The following NPSR1 variants were observed in gnomAD, a reference collection of about 807,000 sequenced individuals.
NPSR1 encodes neuropeptide S receptor.
In NPSR1, 48 loss-of-function variants were observed where a neutral mutation model predicts 46.9. That is an observed-to-expected ratio of 1.02 (90% CI 0.81 to 1.30). The LOEUF is 1.30. Ranked by LOEUF, NPSR1 falls within the 50% of genes most tolerant of loss-of-function variation. NPSR1 has a pLI of 0.00. For synonymous variants in NPSR1, 176 were observed against 168.1 expected, an observed-to-expected ratio of 1.05 and a Z score of -0.36; for missense variants, 450 against 449.5, an observed-to-expected ratio of 1.00 and a Z score of -0.01.
chr7:34,728,584 G>A (rs111811858), intron 2 of NPSR1, among the ~76,000 whole-genome samples: 1 of 152,170 alleles, frequency 6.6e-6, no homozygotes, highest in Admixed American at 6.5e-5. Context: ...CCTTTTGTCT[G>A]TTCACCTGAG....
intron 2 of NPSR1, chr7:34,751,009 T>C: frequency 1.3e-6 from 1 of 771,462 alleles, no homozygotes; most frequent in South Asian, 1.4e-5. Flanking sequence ...AAGAACTTCT[T>C]GGCCAGGGCA....
chr7:34,747,379 A>C (rs974999647), intron 2 of NPSR1, among the ~76,000 whole-genome samples: 2 of 152,200 alleles, frequency 1.3e-5, no homozygotes, highest in Admixed American at 1.3e-4. Flanking sequence ...AGCTTGAAAC[A>C]GCCACTTGTG....
intron 3 of NPSR1, 23 bp from the exon 4 acceptor site, chr7:34,811,747 C>G: frequency 7.8e-6 from 12 of 1,543,546 alleles, no homozygotes; most frequent in Non-Finnish European, 1.1e-5. Context: ...AAGTCATAAG[C>G]TTCCTCTCAT....
At chr7:34,741,452 T>A (rs1328491703) in intron 2 of NPSR1, among the ~76,000 whole-genome samples, 2 of 152,352 alleles carry the variant, frequency 1.3e-5, no homozygotes, top group African/African-American at 4.8e-5. Flanking sequence ...TCATTCTTCC[T>A]AGGATTCTTG....
At chr7:34,779,547 T>C (rs528684229) in intron 3 of NPSR1, 4 of 1,174,622 alleles carry the variant, frequency 3.4e-6, no homozygotes, top group African/African-American at 1.6e-5. Flanking sequence ...TTTCAGGTCA[T>C]GGTAATGAAG....
intron 5 of NPSR1, among the ~76,000 whole-genome samples, chr7:34,831,459 A>G (rs1478766932): frequency 6.6e-6 from 1 of 152,040 alleles, no homozygotes; most frequent in Admixed American, 6.6e-5. Context: ...AGAAAGGGAG[A>G]AAAGAAAGGA....
At chr7:34,693,471 T>C (rs1793366114) in intron 2 of NPSR1, among the ~76,000 whole-genome samples, 1 of 151,998 alleles carries the variant, frequency 6.6e-6, no homozygotes, top group African/African-American at 2.4e-5. Context: ...AATAGACCAA[T>C]AGCAAGTAAT....
chr7:34,868,903 C>A (rs182850997), intron 8 of NPSR1, among the ~76,000 whole-genome samples: 1 of 151,704 alleles, frequency 6.6e-6, no homozygotes, highest in Admixed American at 6.6e-5. Context: ...CAGGGTGGCC[C>A]GGGGCAACAA....
At chr7:34,847,801 G>A (rs1397950898) in intron 7 of NPSR1, among the ~76,000 whole-genome samples, 1 of 152,132 alleles carries the variant, frequency 6.6e-6, no homozygotes, top group Non-Finnish European at 1.5e-5. Flanking sequence ...GCGTTTAACC[G>A]AATATCTGAG....
At chr7:34,752,025 C>T (rs1785563924) in intron 2 of NPSR1, 5 of 747,948 alleles carry the variant, frequency 6.7e-6, no homozygotes, top group South Asian at 5.8e-5. Context: ...CTGGGCCAGC[C>T]GGTAGTCCTG....
chr7:34,761,382 C>G (rs191693967), intron 2 of NPSR1, among the ~76,000 whole-genome samples: 23 of 152,296 alleles, frequency 1.5e-4, no homozygotes, highest in African/African-American at 5.1e-4. Context: ...AGCTAAAAAG[C>G]TGAGGCAAAC....
intron 3 of NPSR1, among the ~76,000 whole-genome samples, chr7:34,790,836 GTT>G (rs1491586732): frequency 1.6e-5 from 2 of 126,324 alleles, no homozygotes; most frequent in Non-Finnish European, 3.3e-5. Context: ...TATATGTTAT[GTT>G]ATATATATGT....
intron 3 of NPSR1, among the ~76,000 whole-genome samples, chr7:34,796,052 A>G (rs1218765775): frequency 6.6e-6 from 1 of 152,198 alleles, no homozygotes; most frequent in Non-Finnish European, 1.5e-5. Context: ...TGAAAGAACA[A>G]ACAGGTCAAT....
chr7:34,679,899 T>C (rs1037772826), intron 1 of NPSR1, among the ~76,000 whole-genome samples: 5 of 152,082 alleles, frequency 3.3e-5, no homozygotes, highest in African/African-American at 4.8e-5. Flanking sequence ...CTAATCCTAA[T>C]ACTAAATACA....
At chr7:34,819,758 TG>T (rs1789458636) in intron 4 of NPSR1, among the ~76,000 whole-genome samples, 1 of 152,190 alleles carries the variant, frequency 6.6e-6, no homozygotes, top group Non-Finnish European at 1.5e-5. Flanking sequence ...AGGATGAGTT[TG>T]TGTCCTTTGC....
intron 2 of NPSR1, among the ~76,000 whole-genome samples, chr7:34,706,204 C>A (rs1329944421): frequency 6.6e-6 from 1 of 151,298 alleles, no homozygotes; most frequent in Non-Finnish European, 1.5e-5. Context: ...CATGCTTTCA[C>A]CAGGTTATGT....
intron 2 of NPSR1, among the ~76,000 whole-genome samples, chr7:34,743,564 C>T (rs1417880276): frequency 2.0e-5 from 3 of 151,982 alleles, no homozygotes; most frequent in Admixed American, 6.6e-5. Context: ...CTCAGTCTCC[C>T]GAGTAGCTGG....
chr7:34,829,786 T>C (rs1262544874), intron 5 of NPSR1, among the ~76,000 whole-genome samples: 2 of 152,194 alleles, frequency 1.3e-5, no homozygotes, highest in Admixed American at 1.3e-4. Flanking sequence ...CAAAATACAA[T>C]GTGTTTGCTG....
chr7:34,720,771 A>G (rs562216510), intron 2 of NPSR1, among the ~76,000 whole-genome samples: 59 of 152,314 alleles, frequency 3.9e-4, no homozygotes, highest in African/African-American at 1.3e-3. Context: ...GTCAGGAAAA[A>G]GTCTTATTTG....
Sources: gnomAD v4.1 joint callset for allele counts (sites outside exome capture counted in the v4.1 genomes callset) on GRCh38, gnomAD v4.1.1 for gene constraint, MANE v1.5 for transcripts, NCBI Gene and HGNC (gene_info 2026-07-23, HGNC 2026-07-21) for gene names.